CTNNA2: variants seen among roughly 807,000 people sequenced by gnomAD.
CTNNA2 encodes catenin alpha-2.
Under a neutral mutation model 101.0 loss-of-function variants are expected in CTNNA2, and 42 were observed. That is an observed-to-expected ratio of 0.42 (90% CI 0.32 to 0.54). CTNNA2 has a LOEUF of 0.54. CTNNA2 is among the 20% of genes least tolerant of loss of function. CTNNA2 has a pLI of 0.14. For missense variants in CTNNA2, 871 were observed against 1,223.1 expected (o/e 0.71, Z 4.29); for synonymous variants, 450 against 456.4 (o/e 0.99, Z 0.18).
At chr2:80,304,978 A>G in intron 7 of CTNNA2, 1 of 773,694 alleles carries the variant, frequency 1.3e-6, no homozygotes, top group Non-Finnish European at 1.6e-6. Context: ...CCACGACAAG[A>G]TATTTCCAAG....
intron 4 of CTNNA2, among the ~76,000 whole-genome samples, chr2:79,390,736 T>C (rs1230096167): frequency 1.3e-5 from 2 of 152,188 alleles, no homozygotes; most frequent in Admixed American, 6.5e-5. Flanking sequence ...GGTTGTAGCA[T>C]CCAAACTTGA....
intron 9 of CTNNA2, among the ~76,000 whole-genome samples, chr2:80,448,404 T>C (rs1683232767): frequency 6.6e-6 from 1 of 152,244 alleles, no homozygotes; most frequent in Non-Finnish European, 1.5e-5. Flanking sequence ...CTGAGGAGCA[T>C]TCAGCAAAAT....
intron 9 of CTNNA2, among the ~76,000 whole-genome samples, chr2:80,533,826 A>T (rs1690751921): frequency 6.6e-6 from 1 of 152,204 alleles, no homozygotes; most frequent in South Asian, 2.1e-4. Context: ...TGCCTTTAGT[A>T]ATTAAAAGGG....
intron 1 of CTNNA2, among the ~76,000 whole-genome samples, chr2:79,522,368 G>A (rs1207522273): frequency 6.6e-6 from 1 of 152,152 alleles, no homozygotes; most frequent in Non-Finnish European, 1.5e-5. Flanking sequence ...GCACGGTCCT[G>A]GAGCCATACG....
At chr2:79,795,948 ATGAGGACATTGG>A in intron 3 of CTNNA2, among the ~76,000 whole-genome samples, 1 of 152,316 alleles carries the variant, frequency 6.6e-6, no homozygotes, top group South Asian at 2.1e-4. Context: ...CCGTTTTGTT[ATGAGGACATTGG>A]TCAGTATGTC....
intron 15 of CTNNA2, among the ~76,000 whole-genome samples, chr2:80,591,131 A>C (rs1696449251): frequency 6.6e-6 from 1 of 152,204 alleles, no homozygotes; most frequent in South Asian, 2.1e-4. Context: ...GTCAAGGCAC[A>C]GTTATGAAAG....
chr2:80,601,211 C>CTG (rs1697479262), intron 15 of CTNNA2, among the ~76,000 whole-genome samples: 1 of 151,558 alleles, frequency 6.6e-6, no homozygotes, highest in Non-Finnish European at 1.5e-5. Context: ...TTCTTTTTGT[C>CTG]TGTGTGTGTG....
At chr2:80,030,174 A>G (rs1274458831) in intron 7 of CTNNA2, among the ~76,000 whole-genome samples, 1 of 151,874 alleles carries the variant, frequency 6.6e-6, no homozygotes, top group Non-Finnish European at 1.5e-5. Context: ...TCAGTTAATC[A>G]TCTGCATGCT....
chr2:80,284,625 A>ATTTT (rs992594201), intron 7 of CTNNA2, among the ~76,000 whole-genome samples: 22 of 150,670 alleles, frequency 1.5e-4, no homozygotes, highest in East Asian at 5.9e-4. Context: ...TCAATCACAC[A>ATTTT]TTTTTTTTTG....
intron 3 of CTNNA2, among the ~76,000 whole-genome samples, chr2:79,813,860 T>C (rs937324001): frequency 2.5e-4 from 38 of 152,164 alleles, no homozygotes; most frequent in African/African-American, 8.7e-4. Context: ...AACAGAAATA[T>C]ATTGTTTTGT....
At chr2:79,507,824 C>T (rs1388659957) in intron 5 of CTNNA2, among the ~76,000 whole-genome samples, 1 of 152,126 alleles carries the variant, frequency 6.6e-6, no homozygotes, top group African/African-American at 2.4e-5. Context: ...GTGGGAAATG[C>T]TACACATATT....
At chr2:80,270,127 A>G (rs1673346152) in intron 7 of CTNNA2, among the ~76,000 whole-genome samples, 2 of 152,214 alleles carry the variant, frequency 1.3e-5, no homozygotes, top group South Asian at 4.1e-4. Context: ...GATGAGAAAG[A>G]TGTTGTCCCT....
At chr2:79,694,767 G>C (rs1168922340) in intron 2 of CTNNA2, among the ~76,000 whole-genome samples, 2 of 151,810 alleles carry the variant, frequency 1.3e-5, no homozygotes, top group East Asian at 3.9e-4. Flanking sequence ...AGAACTAAAA[G>C]TAATTTTAAT....
chr2:79,221,497 A>G (rs1418245864), intron 2 of CTNNA2, among the ~76,000 whole-genome samples: 1 of 152,216 alleles, frequency 6.6e-6, no homozygotes, highest in Admixed American at 6.5e-5. Flanking sequence ...GTATACTTGC[A>G]GTTGTACTTA....
At chr2:79,598,182 C>T (rs111267267) in intron 1 of CTNNA2, among the ~76,000 whole-genome samples, 3,292 of 152,288 alleles carry the variant, frequency 0.022, 122 homozygotes, top group African/African-American at 0.073. Flanking sequence ...ATTCCATTGT[C>T]TGGATATACC....
chr2:80,636,457 G>A (rs1672892297), intron 18 of CTNNA2, among the ~76,000 whole-genome samples: 1 of 152,218 alleles, frequency 6.6e-6, no homozygotes, highest in East Asian at 1.9e-4. Context: ...TTGGCCTTCA[G>A]TGTTTGGTAG....
intron 7 of CTNNA2, among the ~76,000 whole-genome samples, chr2:80,215,712 G>T (rs1052203763): frequency 1.3e-5 from 2 of 152,182 alleles, no homozygotes; most frequent in African/African-American, 4.8e-5. Context: ...AAGGGTCAGG[G>T]ACCCACTTGA....
intron 1 of CTNNA2, among the ~76,000 whole-genome samples, chr2:79,521,394 G>A (rs547448491): frequency 6.6e-6 from 1 of 151,916 alleles, no homozygotes; most frequent in Admixed American, 6.6e-5. Context: ...CAGCAGCAGC[G>A]TCTCTTCCTG....
intron 3 of CTNNA2, among the ~76,000 whole-genome samples, chr2:79,825,147 C>G (rs1451986966): frequency 6.6e-6 from 1 of 152,120 alleles, no homozygotes; most frequent in Non-Finnish European, 1.5e-5. Context: ...TAGGATTGTG[C>G]CACTGCACTC....
Sources: allele counts gnomAD v4.1 joint callset (sites outside exome capture counted in the v4.1 genomes callset), GRCh38; gene constraint gnomAD v4.1.1; transcripts MANE v1.5; gene names NCBI Gene and HGNC (gene_info 2026-07-23, HGNC 2026-07-21).